The following SAMD4A variants were observed in gnomAD, a reference collection of about 807,000 sequenced individuals.
SAMD4A encodes protein Smaug homolog 1.
A neutral mutation model predicts 81.3 loss-of-function variants in SAMD4A; 33 were observed. The observed-to-expected ratio is 0.41, with a 90% confidence interval of 0.31 to 0.54. The LOEUF (loss-of-function observed/expected upper bound fraction) is 0.54, where lower values mean the gene tolerates loss of function less well. Ranked by LOEUF, SAMD4A falls within the 20% of genes least tolerant of loss-of-function variation. The pLI is 0.37. For synonymous variants in SAMD4A, 389 were observed against 382.1 expected (o/e 1.02, Z -0.21); for missense variants, 854 against 951.1 (o/e 0.90, Z 1.34).
intron 2 of SAMD4A, among the ~76,000 whole-genome samples, chr14:54,681,146 C>G (rs1044381262): frequency 6.6e-6 from 1 of 152,132 alleles, no homozygotes; most frequent in African/African-American, 2.4e-5. Context: ...GGCTGGGAAC[C>G]AGGAGTAAGG....
intron 9 of SAMD4A, among the ~76,000 whole-genome samples, chr14:54,774,652 C>CAAA (rs1286823182): frequency 7.5e-6 from 1 of 134,036 alleles, no homozygotes; most frequent in Admixed American, 7.3e-5. Flanking sequence ...CCATCTCTAC[C>CAAA]AAAAAAAAAA....
intron 2 of SAMD4A, among the ~76,000 whole-genome samples, chr14:54,604,468 G>C (rs538138053): frequency 2.0e-5 from 3 of 152,158 alleles, no homozygotes; most frequent in Non-Finnish European, 2.9e-5. Context: ...TCACTCTTCC[G>C]CAATACAAAA....
At chr14:54,660,359 A>G in intron 2 of SAMD4A, among the ~76,000 whole-genome samples, 1 of 152,244 alleles carries the variant, frequency 6.6e-6, no homozygotes, top group East Asian at 1.9e-4. Flanking sequence ...AAGCCAGCCC[A>G]GGCAGTTGTC....
At chr14:54,661,685 G>A (rs61976965) in intron 2 of SAMD4A, among the ~76,000 whole-genome samples, 28,977 of 152,092 alleles carry the variant, frequency 0.19, 3,635 homozygotes, top group African/African-American at 0.36. Flanking sequence ...AGATTCAGCC[G>A]ACTATTCCCG....
chr14:54,697,026 T>C (rs961586796), intron 2 of SAMD4A: 2 of 152,154 alleles, frequency 1.3e-5, no homozygotes, highest in African/African-American at 4.8e-5. Flanking sequence ...TCCTGCATCT[T>C]CCCCAGGGAG....
chr14:54,694,244 T>G (rs78134523), intron 2 of SAMD4A: 3,310 of 152,670 alleles, frequency 0.022, 70 homozygotes, highest in Non-Finnish European at 0.03. Flanking sequence ...TAGAAATGAT[T>G]GTTATGGTTG....
intron 3 of SAMD4A, among the ~76,000 whole-genome samples, chr14:54,705,896 T>G (rs2036839376): frequency 1.3e-5 from 2 of 152,344 alleles, no homozygotes; most frequent in East Asian, 3.8e-4. Flanking sequence ...TCCATAGAAA[T>G]TTCATATAAC....
chr14:54,727,496 C>T (rs1393504260), intron 3 of SAMD4A, among the ~76,000 whole-genome samples: 2 of 151,776 alleles, frequency 1.3e-5, no homozygotes, highest in African/African-American at 4.8e-5. Context: ...GCCTTGGGGG[C>T]CATTTTAAAT....
At chr14:54,714,080 A>C (rs2037058288) in intron 3 of SAMD4A, among the ~76,000 whole-genome samples, 1 of 152,220 alleles carries the variant, frequency 6.6e-6, no homozygotes, top group Non-Finnish European at 1.5e-5. Flanking sequence ...ATTTTATCTT[A>C]AAACATAAAT....
At chr14:54,720,696 A>G (rs2037238267) in intron 3 of SAMD4A, among the ~76,000 whole-genome samples, 1 of 152,142 alleles carries the variant, frequency 6.6e-6, no homozygotes, top group East Asian at 1.9e-4. Context: ...TTAAACATAA[A>G]TTCTAACAAA....
intron 2 of SAMD4A, among the ~76,000 whole-genome samples, chr14:54,579,820 A>G (rs2033414098): frequency 6.6e-6 from 1 of 152,218 alleles, no homozygotes; most frequent in South Asian, 2.1e-4. Flanking sequence ...AATGTGTTAC[A>G]TAATTGCTCA....
chr14:54,722,192 A>T (rs1418357722), intron 3 of SAMD4A, among the ~76,000 whole-genome samples: 1 of 152,132 alleles, frequency 6.6e-6, no homozygotes, highest in Non-Finnish European at 1.5e-5. Flanking sequence ...AGTCCCTCTG[A>T]CCAGTTAGGC....
chr14:54,671,216 T>C (rs2035874193), intron 2 of SAMD4A, among the ~76,000 whole-genome samples: 1 of 152,116 alleles, frequency 6.6e-6, no homozygotes, highest in African/African-American at 2.4e-5. Context: ...AGTTGGGACA[T>C]GGGAGTTTTA....
intron 2 of SAMD4A, among the ~76,000 whole-genome samples, chr14:54,664,433 A>C (rs2035711722): frequency 6.6e-6 from 1 of 152,212 alleles, no homozygotes; most frequent in Non-Finnish European, 1.5e-5. Flanking sequence ...GTCACTCAAC[A>C]GGTTACCAGA....
intron 2 of SAMD4A, among the ~76,000 whole-genome samples, chr14:54,585,932 T>G (rs1367886365): frequency 6.6e-6 from 1 of 152,126 alleles, no homozygotes; most frequent in Non-Finnish European, 1.5e-5. Flanking sequence ...TATAATGACT[T>G]CTTTTTCTCT....
chr14:54,634,719 ATCTGTCTGTCTGTCTGTCTGTCTG>A (rs3049869), intron 2 of SAMD4A, among the ~76,000 whole-genome samples: 1 of 142,412 alleles, frequency 7.0e-6, no homozygotes, highest in African/African-American at 2.6e-5. Context: ...CTATCTATCT[ATCTGTCTGTCTGTCTGTCTGTCTG>A]TCTGTCTGTC....
intron 2 of SAMD4A, among the ~76,000 whole-genome samples, chr14:54,608,089 C>G (rs1289400030): frequency 6.6e-6 from 1 of 151,644 alleles, no homozygotes; most frequent in African/African-American, 2.4e-5. Context: ...CCACTAGTGT[C>G]GAGAGGACAG....
intron 3 of SAMD4A, among the ~76,000 whole-genome samples, chr14:54,735,321 A>T (rs2037665681): frequency 1.3e-5 from 2 of 151,656 alleles, no homozygotes; most frequent in African/African-American, 4.8e-5. Flanking sequence ...TTTCTTCCCG[A>T]GTCTATTTAG....
rs59710516 is a variant in SAMD4A, at chr14:54,684,623, CA to C, written c.197-17437del. Among the ~76,000 whole-genome samples the C allele has an allele frequency of 3.0e-4, 40 of 134,496 alleles. No individual in the cohort carries two copies. The East Asian group carries it at 3.4e-3, about 11-fold the overall frequency. 88.2% of individuals were successfully genotyped at this position (134,496 alleles called of 152,430 possible). On this transcript the variant is annotated intron_variant, in intron 2 of 12. Coordinates refer to ENST00000554335, the MANE Select transcript of SAMD4A (RefSeq NM_015589.6). ...GGCCAGACACCCCCGCCCCCCCCCCCAACCAGAAACGGGAAACCTATGGAAA... is the reference window on the plus strand; with the variant it reads ...GGCCAGACACCCCCGCCCCCCCCCCCACCAGAAACGGGAAACCTATGGAAA...
Sources: gnomAD v4.1 joint callset for allele counts (sites outside exome capture counted in the v4.1 genomes callset) on GRCh38, gnomAD v4.1.1 for gene constraint, MANE v1.5 for transcripts, NCBI Gene and HGNC (gene_info 2026-07-23, HGNC 2026-07-21) for gene names.